The following ESRRG variants were observed in gnomAD, a reference collection of about 807,000 sequenced individuals.
ESRRG encodes estrogen-related receptor gamma.
A neutral mutation model predicts 44.0 loss-of-function variants in ESRRG; 13 were observed. The observed-to-expected ratio is 0.30, with a 90% confidence interval of 0.19 to 0.47. The LOEUF (loss-of-function observed/expected upper bound fraction) is 0.47. Ranked by LOEUF, ESRRG falls within the 20% of genes least tolerant of loss-of-function variation. The pLI, the probability that ESRRG is intolerant of heterozygous loss-of-function variation, is 1.00. For missense variants in ESRRG, 395 were observed against 580.6 expected (o/e 0.68, Z 3.29); for synonymous variants, 215 against 214.6 (o/e 1.00, Z -0.02).
At chr1:216,896,423 C>T (rs1484991734) in intron 2 of ESRRG, among the ~76,000 whole-genome samples, 2 of 152,096 alleles carry the variant, frequency 1.3e-5, no homozygotes, top group East Asian at 3.8e-4. Flanking sequence ...TTTGATAGCT[C>T]ACGGAAATCG....
chr1:217,031,614 G>A (rs940499996), intron 1 of ESRRG, among the ~76,000 whole-genome samples: 4 of 152,158 alleles, frequency 2.6e-5, no homozygotes, highest in Admixed American at 2.6e-4. Context: ...GAGACCAACA[G>A]ATATGGTTTG....
chr1:216,627,664 C>T (rs903588838), intron 3 of ESRRG, among the ~76,000 whole-genome samples: 8 of 152,268 alleles, frequency 5.3e-5, no homozygotes, highest in Admixed American at 3.9e-4. Flanking sequence ...CATGTTCAAT[C>T]CAATGGCAGC....
intron 2 of ESRRG, among the ~76,000 whole-genome samples, chr1:216,790,139 T>C (rs1559647573): frequency 6.6e-6 from 1 of 152,136 alleles, no homozygotes; most frequent in Non-Finnish European, 1.5e-5. Flanking sequence ...ATCTCCTAAA[T>C]AACTGTGAGG....
At chr1:216,789,196 C>T (rs907241650) in intron 2 of ESRRG, among the ~76,000 whole-genome samples, 44 of 152,194 alleles carry the variant, frequency 2.9e-4, no homozygotes, top group African/African-American at 1.0e-3. Context: ...TTGCATGCAA[C>T]AGAGAAATTA....
At chr1:216,690,225 A>G (rs1206861865) in intron 1 of ESRRG, among the ~76,000 whole-genome samples, 1 of 151,968 alleles carries the variant, frequency 6.6e-6, no homozygotes. Flanking sequence ...TCACTGATGA[A>G]CAAATAAACA....
At chr1:216,778,309 G>C (rs1015376836) in intron 2 of ESRRG, among the ~76,000 whole-genome samples, 2 of 152,034 alleles carry the variant, frequency 1.3e-5, no homozygotes, top group African/African-American at 4.8e-5. Flanking sequence ...TGAGACAAGA[G>C]AGCTGGTCCT....
At chr1:216,903,450 TGTG>T (rs1484296467) in intron 2 of ESRRG, among the ~76,000 whole-genome samples, 2 of 151,726 alleles carry the variant, frequency 1.3e-5, no homozygotes, top group African/African-American at 4.8e-5. Flanking sequence ...TGTGTGTGTG[TGTG>T]TGTGTCGGGG....
rs2090983844 is a variant in ESRRG, at chr1:216,743,325, A to C, written c.-13-65834T>G. 2.0e-5 allele frequency among the ~76,000 whole-genome samples: 3 copies of C among 152,330 alleles called. No homozygotes were observed. The South Asian group carries it at 6.2e-4, about 32-fold the overall frequency. ...CTGGGACACTGTGCCAAGGCAGCTG[A>C]AATAAAACAATACACCCTCCTTGAG... On this transcript the variant is annotated intron_variant, in intron 2 of 7. Coordinates refer to the ESRRG transcript ENST00000359162.
chr1:217,039,279 G>A (rs1391419492), intron 1 of ESRRG, among the ~76,000 whole-genome samples: 1 of 151,994 alleles, frequency 6.6e-6, no homozygotes, highest in Non-Finnish European at 1.5e-5. Flanking sequence ...ACATTTTCAG[G>A]TATATTTTCA....
At chr1:217,071,938 A>G (rs1045128078) in intron 1 of ESRRG, among the ~76,000 whole-genome samples, 2 of 152,228 alleles carry the variant, frequency 1.3e-5, no homozygotes, top group Admixed American at 6.5e-5. Context: ...TTCCAAAATC[A>G]TCTTCCTCCA....
rs964364355 is a variant in ESRRG at position 217,081,352 on chromosome 1, C to T, written c.-106+8155G>A. ...AAGTGATTCTCCTGCCTCAGCCTCC[C>T]GAGTAGCTGGGATTACAGGCATGAG... On this transcript the variant is annotated intron_variant, in intron 1 of 7. Transcript: ENST00000359162. Among the ~76,000 whole-genome samples the T allele has an allele frequency of 8.7e-5, 13 of 150,172 alleles. 1 individual carries two copies. In the South Asian group the frequency reaches 1.1e-3, roughly 12 times the overall value.
chr1:217,086,048 G>A (rs6699381), intron 1 of ESRRG, among the ~76,000 whole-genome samples: 24,723 of 152,058 alleles, frequency 0.16, 2,309 homozygotes, highest in Admixed American at 0.22. Flanking sequence ...TTGACTTTAT[G>A]AAGATATTTT....
chr1:216,848,571 C>T (rs1207542684), intron 2 of ESRRG, among the ~76,000 whole-genome samples: 1 of 152,140 alleles, frequency 6.6e-6, no homozygotes, highest in Non-Finnish European at 1.5e-5. Flanking sequence ...ACCCAGTGCT[C>T]TACATTGCGC....
At chr1:216,571,934 A>G in intron 3 of ESRRG, among the ~76,000 whole-genome samples, 1 of 152,198 alleles carries the variant, frequency 6.6e-6, no homozygotes, top group East Asian at 1.9e-4. Flanking sequence ...GATAGCGATT[A>G]ATGGTAAAAA....
At chr1:217,035,052 T>C (rs1163011110) in intron 1 of ESRRG, among the ~76,000 whole-genome samples, 1 of 152,120 alleles carries the variant, frequency 6.6e-6, no homozygotes, top group African/African-American at 2.4e-5. Flanking sequence ...TAGTCCAGAG[T>C]TCACATCTTA....
In ESRRG at chr1:216,912,221, G is replaced by A. The variant is rs1450242179; in HGVS notation, c.-14+27361C>T. Among the ~76,000 whole-genome samples the A allele has an allele frequency of 6.5e-3, 120 of 18,538 alleles. 15 individuals carry two copies. The East Asian group carries it at 0.1, about 16-fold the overall frequency. The allele number at this position is 18,538 out of a possible 152,430, so 12.2% of individuals were successfully genotyped here. On this transcript the variant is annotated intron_variant, in intron 2 of 7. Transcript: ENST00000359162. ...GAGAGGAGAGGAGAGGAGAGGAGAG[G>A]AGAGGAGAGGAGAGGAGAGGAGAGG...
chr1:216,633,484 T>C (rs112143708), intron 3 of ESRRG, among the ~76,000 whole-genome samples: 4 of 152,338 alleles, frequency 2.6e-5, no homozygotes, highest in Admixed American at 6.5e-5. Flanking sequence ...GCATTGTACA[T>C]ATGCTGCATA....
chr1:217,044,854 C>T (rs1271489613), intron 1 of ESRRG, among the ~76,000 whole-genome samples: 2 of 152,138 alleles, frequency 1.3e-5, no homozygotes, highest in Non-Finnish European at 2.9e-5. Flanking sequence ...CATATATCTA[C>T]CTTCTATGCT....
At chr1:216,919,101 T>A (rs2149692792) in intron 2 of ESRRG, among the ~76,000 whole-genome samples, 1 of 152,266 alleles carries the variant, frequency 6.6e-6, no homozygotes, top group Non-Finnish European at 1.5e-5. Context: ...CTTCCTTATC[T>A]AATGTTTCCA....
Sources: allele counts gnomAD v4.1 joint callset (sites outside exome capture counted in the v4.1 genomes callset), GRCh38; gene constraint gnomAD v4.1.1; transcripts MANE v1.5; gene names NCBI Gene and HGNC (gene_info 2026-07-23, HGNC 2026-07-21).